Variants in IL1RAPL1 observed in about 807,000 individuals in gnomAD.
IL1RAPL1 encodes interleukin 1 receptor accessory protein like 1.
In IL1RAPL1, 3 loss-of-function variants were observed where a neutral mutation model predicts 48.4. The observed-to-expected ratio is 0.06, with a 90% confidence interval of 0.03 to 0.16. The LOEUF is 0.16. Among genes scored for constraint, IL1RAPL1 ranks in the 10% least tolerant of loss-of-function variants. IL1RAPL1 has a pLI of 1.00. For missense variants in IL1RAPL1, 349 were observed against 530.6 expected, an observed-to-expected ratio of 0.66 and a Z score of 3.36; for synonymous variants, 185 against 187.7, an observed-to-expected ratio of 0.99 and a Z score of 0.12.
At chrX:29,054,978 G>T (rs1330857638) in intron 2 of IL1RAPL1, among the ~76,000 whole-genome samples, 1 of 111,576 alleles carries the variant, frequency 9.0e-6, no homozygotes, top group African/African-American at 3.3e-5. Flanking sequence ...TAGTAAATTG[G>T]ACTAGGTCAA....
At chrX:29,246,747 C>A (rs918119627) in intron 2 of IL1RAPL1, among the ~76,000 whole-genome samples, 2 of 111,079 alleles carry the variant, frequency 1.8e-5, no homozygotes, top group African/African-American at 6.6e-5. Context: ...TTCATTCTTC[C>A]CAATGAGGTA....
chrX:28,847,983 C>G (rs944542757), intron 2 of IL1RAPL1, among the ~76,000 whole-genome samples: 2 of 111,827 alleles, frequency 1.8e-5, no homozygotes, highest in African/African-American at 6.5e-5. Context: ...TACTATGCAG[C>G]CATAAAAAGA....
At chrX:29,550,825 A>G (rs1921791397) in intron 5 of IL1RAPL1, among the ~76,000 whole-genome samples, 1 of 112,089 alleles carries the variant, frequency 8.9e-6, no homozygotes, top group Non-Finnish European at 1.9e-5. Flanking sequence ...ACTGTGGTAA[A>G]TAATCGCATA....
At chrX:29,640,555 A>G (rs1167038031) in intron 5 of IL1RAPL1, among the ~76,000 whole-genome samples, 1 of 111,875 alleles carries the variant, frequency 8.9e-6, no homozygotes, top group African/African-American at 3.2e-5. Context: ...GACCCAACTT[A>G]TCATCCCACC....
intron 2 of IL1RAPL1, among the ~76,000 whole-genome samples, chrX:29,220,506 G>A (rs779462249): frequency 1.8e-5 from 2 of 111,687 alleles, no homozygotes; most frequent in South Asian, 3.7e-4. Flanking sequence ...CCTGTAAAAC[G>A]TGGCTGTAGT....
intron 2 of IL1RAPL1, among the ~76,000 whole-genome samples, chrX:29,135,679 AAC>A (rs752482356): frequency 8.9e-6 from 1 of 111,818 alleles, no homozygotes; most frequent in Non-Finnish European, 1.9e-5. Context: ...CAAATTGAGA[AAC>A]ACATTTGCAG....
At chrX:29,290,437 G>T (rs1226397106) in intron 3 of IL1RAPL1, among the ~76,000 whole-genome samples, 1 of 111,931 alleles carries the variant, frequency 8.9e-6, no homozygotes, top group African/African-American at 3.2e-5. Context: ...TTTTCACTTT[G>T]TTCCTTCATT....
At chrX:29,342,576 T>A (rs1318923958) in intron 3 of IL1RAPL1, among the ~76,000 whole-genome samples, 2 of 112,184 alleles carry the variant, frequency 1.8e-5, no homozygotes, top group Non-Finnish European at 3.8e-5. Flanking sequence ...TCATTAGTGA[T>A]GCGTTTGGGC....
At chrX:28,984,252 T>C (rs1465299117) in intron 2 of IL1RAPL1, among the ~76,000 whole-genome samples, 2 of 111,613 alleles carry the variant, frequency 1.8e-5, no homozygotes, top group Non-Finnish European at 3.8e-5. Flanking sequence ...ATTATAAATT[T>C]AATGATAAAT....
At chrX:29,134,576 G>T (rs1929087215) in intron 2 of IL1RAPL1, among the ~76,000 whole-genome samples, 1 of 111,364 alleles carries the variant, frequency 9.0e-6, no homozygotes, top group African/African-American at 3.3e-5. Context: ...GCAGGTCTGT[G>T]GTTGGCTATT....
intron 3 of IL1RAPL1, among the ~76,000 whole-genome samples, chrX:29,358,718 A>T (rs1315844476): frequency 9.0e-6 from 1 of 110,883 alleles, no homozygotes; most frequent in Non-Finnish European, 1.9e-5. Flanking sequence ...CTTTTTAAGC[A>T]ATTTTGTAAT....
intron 5 of IL1RAPL1, among the ~76,000 whole-genome samples, chrX:29,470,089 A>C (rs971466180): frequency 1.8e-5 from 2 of 112,500 alleles, no homozygotes; most frequent in African/African-American, 6.5e-5. Context: ...AATTTGAAGA[A>C]GTACAATTTC....
intron 6 of IL1RAPL1, among the ~76,000 whole-genome samples, chrX:29,682,453 C>G (rs1394523033): frequency 9.0e-6 from 1 of 111,323 alleles, no homozygotes; most frequent in African/African-American, 3.3e-5. Context: ...TAAGACCAAC[C>G]TCAATGTCAC....
At chrX:29,710,231 C>T (rs1927301419) in intron 6 of IL1RAPL1, among the ~76,000 whole-genome samples, 1 of 111,071 alleles carries the variant, frequency 9.0e-6, no homozygotes, top group African/African-American at 3.3e-5. Context: ...GCATCCTTGT[C>T]TTGTTCTTGA....
At chrX:29,160,478 A>G (rs1929660296) in intron 2 of IL1RAPL1, among the ~76,000 whole-genome samples, 1 of 112,129 alleles carries the variant, frequency 8.9e-6, no homozygotes, top group Admixed American at 9.5e-5. Context: ...TAGTAATAAT[A>G]ATATAGATGA....
intron 5 of IL1RAPL1, among the ~76,000 whole-genome samples, chrX:29,611,195 G>C (rs779378624): frequency 9.0e-6 from 1 of 111,090 alleles, no homozygotes; most frequent in African/African-American, 3.3e-5. Flanking sequence ...AATCAACTAA[G>C]AGCCAGGTAC....
chrX:29,596,386 T>C (rs1242521566), intron 5 of IL1RAPL1, among the ~76,000 whole-genome samples: 1 of 112,410 alleles, frequency 8.9e-6, no homozygotes, highest in Non-Finnish European at 1.9e-5. Context: ...TCTATTTGTT[T>C]GTATCATCTA....
At chrX:29,790,044 C>G (rs190069413) in intron 6 of IL1RAPL1, among the ~76,000 whole-genome samples, 13 of 111,266 alleles carry the variant, frequency 1.2e-4, no homozygotes, top group South Asian at 3.8e-4. Flanking sequence ...TTTTCTCTGT[C>G]TGGTATTTTT....
chrX:29,462,907 A>G (rs1245233027), intron 5 of IL1RAPL1, among the ~76,000 whole-genome samples: 1 of 111,616 alleles, frequency 9.0e-6, no homozygotes, highest in Non-Finnish European at 1.9e-5. Context: ...TAAGGAAAAG[A>G]CTGTATTGGA....
Sources: allele counts gnomAD v4.1 joint callset (sites outside exome capture counted in the v4.1 genomes callset), GRCh38; gene constraint gnomAD v4.1.1; transcripts MANE v1.5; gene names NCBI Gene and HGNC (gene_info 2026-07-23, HGNC 2026-07-21).